ZNF624: variants seen among roughly 807,000 people sequenced by gnomAD.
ZNF624 encodes the protein zinc finger protein 624.
In ZNF624, 43 loss-of-function variants were observed where a neutral mutation model predicts 74.7. That is an observed-to-expected ratio of 0.58 (90% CI 0.45 to 0.74). ZNF624 has a LOEUF of 0.74. Ranked by LOEUF, ZNF624 falls within the 30% of genes least tolerant of loss-of-function variation. ZNF624 has a pLI of 0.00. For missense variants in ZNF624, 820 were observed against 1,030.0 expected (o/e 0.80, Z 2.79); for synonymous variants, 331 against 341.3 (o/e 0.97, Z 0.33).
chr17:16,641,200 A>G (rs1569046685), intron 3 of ZNF624, among the ~76,000 whole-genome samples: 1 of 152,226 alleles, frequency 6.6e-6, no homozygotes, highest in South Asian at 2.1e-4. Context: ...CCTCATACTT[A>G]ATGGTAAACA....
At chr17:16,625,668 G>T (rs1410288691) in intron 5 of ZNF624, among the ~76,000 whole-genome samples, 1 of 152,112 alleles carries the variant, frequency 6.6e-6, no homozygotes, top group East Asian at 1.9e-4. Context: ...TATACTTACT[G>T]ATATTTCAAA....
rs371683567 is a variant in ZNF624, at chr17:16,620,812, G to C, written c.*1476C>G. ...TTAACTTAAAAACACAGAAAAGAAAGTAAAAAACAAAAAATTGATGAACCA... is the reference window on the plus strand; with the variant it reads ...TTAACTTAAAAACACAGAAAAGAAACTAAAAAACAAAAAATTGATGAACCA... On this transcript the variant is annotated 3_prime_UTR_variant, in exon 6 of 6. Transcript: ENST00000311331. 4 of 152,088 alleles carry C rather than the reference G, an allele frequency of 2.6e-5. No individual in the cohort carries two copies. The South Asian group carries it at 8.3e-4, about 32-fold the overall frequency. The allele number at this position is 152,088 out of a possible 1,614,324, so 9.4% of individuals were successfully genotyped here.
At chr17:16,646,292 C>T (rs1282875393) in intron 3 of ZNF624, among the ~76,000 whole-genome samples, 2 of 152,074 alleles carry the variant, frequency 1.3e-5, no homozygotes, top group Middle Eastern at 3.2e-3. Flanking sequence ...AGAATCTAAG[C>T]TATCGTATGT....
chr17:16,642,852 C>G (rs1264622269), intron 3 of ZNF624, among the ~76,000 whole-genome samples: 2 of 152,100 alleles, frequency 1.3e-5, no homozygotes, highest in African/African-American at 2.4e-5. Context: ...AAAAAATGGG[C>G]AAAGGACTTG....
Position 16,622,430 on chromosome 17 carries a change from G to A in ZNF624, c.2456C>T (p.Thr819Ile). 6.2e-7 allele frequency: 1 copy of A among 1,613,830 alleles called. No homozygotes were observed. Among genetic ancestry groups the A allele is most frequent in the Non-Finnish European group, 8.5e-7 (1 of 1,179,882 alleles). The change falls in exon 6 of 6, where the codon ACT (threonine) becomes ATT (isoleucine). Residue 819 changes from threonine to isoleucine, a missense_variant. Transcript: ENST00000311331. ...KCEECGKAFR[T>I]NSDFTVHLRM... ...CAAGTGTACAGTAAAGTCTGAGTTA[G>A]TTCTGAAGGCTTTTCCACATTCTTC... is the stretch of plus-strand genomic sequence containing the variant.
At chr17:16,636,764 A>T (rs2142615944) in intron 3 of ZNF624, among the ~76,000 whole-genome samples, 1 of 151,932 alleles carries the variant, frequency 6.6e-6, no homozygotes, top group East Asian at 1.9e-4. Context: ...TGAACCTGGG[A>T]GGCGGAGCTT....
In ZNF624 at chr17:16,638,825, G is replaced by A. The variant is rs148796640; in HGVS notation, c.154-4069C>T. On this transcript the variant is annotated intron_variant, in intron 3 of 5. Coordinates refer to ENST00000311331, the MANE Select transcript of ZNF624 (RefSeq NM_020787.4). ...TACATATGTAACAAACCTGCACATCGTGCACATGTACCCTAAAACTTAAAG... is the reference window on the plus strand; with the variant it reads ...TACATATGTAACAAACCTGCACATCATGCACATGTACCCTAAAACTTAAAG... Among the ~76,000 whole-genome samples the A allele has an allele frequency of 1.1e-3, 170 of 152,148 alleles. 2 individuals are homozygous for A. In the East Asian group the frequency reaches 0.022, roughly 20 times the overall value.
At chr17:16,633,549 GTTA>G (rs1342265763) in intron 5 of ZNF624, among the ~76,000 whole-genome samples, 197 of 152,274 alleles carry the variant, frequency 1.3e-3, no homozygotes, top group African/African-American at 4.6e-3. Context: ...GAAACATGAA[GTTA>G]ACTGGAGAAG....
chr17:16,632,879 A>C (rs967018309), intron 5 of ZNF624, among the ~76,000 whole-genome samples: 1 of 152,204 alleles, frequency 6.6e-6, no homozygotes, highest in African/African-American at 2.4e-5. Flanking sequence ...ATTCTGTACC[A>C]GTTTCCCCTC....
intron 1 of ZNF624, among the ~76,000 whole-genome samples, chr17:16,651,677 G>C (rs1018719678): frequency 2.6e-5 from 4 of 152,124 alleles, no homozygotes; most frequent in Non-Finnish European, 4.4e-5. Flanking sequence ...AGATTTTTCT[G>C]TCATAGAGCC....
the ZNF624 span, among the ~76,000 whole-genome samples, chr17:16,615,256 C>T: frequency 6.6e-6 from 1 of 152,168 alleles, no homozygotes; most frequent in Non-Finnish European, 1.5e-5. Flanking sequence ...CACCACCACG[C>T]CCGGCTAATT....
chr17:16,639,292 AT>A (rs1456007564), intron 3 of ZNF624, among the ~76,000 whole-genome samples: 2 of 152,218 alleles, frequency 1.3e-5, no homozygotes, highest in Admixed American at 1.3e-4. Context: ...CTTGTCATAC[AT>A]GTCTTATGTA....
At chr17:16,618,844 C>G (rs1297998706), downstream of ZNF624, among the ~76,000 whole-genome samples, 1 of 152,142 alleles carries the variant, frequency 6.6e-6, no homozygotes, top group Non-Finnish European at 1.5e-5. Context: ...AATACATACA[C>G]AAAATATGTG....
At position 16,622,987 on chromosome 17, in the gene ZNF624, A is replaced by G; in HGVS notation, c.1899T>C (p.Ile633=). ...ATTTATAGGGTTTCACTCCAGTATG[A>G]ATTTTCTGATGCTCCTTGAGATTTA... The part of the protein sequence containing the change: ...KMVNLKEHQK[I]HTGVKPYKCY... The change falls in exon 6 of 6, where the codon ATT becomes ATC. Residue 633 remains isoleucine (I), a synonymous_variant. Coordinates refer to ENST00000311331, the MANE Select transcript of ZNF624 (RefSeq NM_020787.4). 6.2e-7 allele frequency: 1 copy of G among 1,613,916 alleles called. No homozygotes were observed. The highest frequency in any genetic ancestry group is 1.3e-5 in the African/African-American group (1 of 75,018).
At chr17:16,650,493 A>T (rs1909698855) in intron 1 of ZNF624, among the ~76,000 whole-genome samples, 1 of 151,424 alleles carries the variant, frequency 6.6e-6, no homozygotes, top group African/African-American at 2.4e-5. Context: ...TTTTATATTG[A>T]AAAAAAAGTA....
chr17:16,651,292 T>G (rs1248134643), intron 1 of ZNF624, among the ~76,000 whole-genome samples: 1 of 151,674 alleles, frequency 6.6e-6, no homozygotes, highest in East Asian at 1.9e-4. Context: ...CAGCCAGGTG[T>G]GGTGGTGCAC....
chr17:16,615,228 G>C, the ZNF624 span, among the ~76,000 whole-genome samples: 1 of 152,148 alleles, frequency 6.6e-6, no homozygotes, highest in Non-Finnish European at 1.5e-5. Context: ...CTCCTGAGTA[G>C]CTGGGAATAC....
intron 3 of ZNF624, among the ~76,000 whole-genome samples, chr17:16,642,378 G>A (rs1207184483): frequency 6.6e-6 from 1 of 152,080 alleles, no homozygotes; most frequent in East Asian, 1.9e-4. Flanking sequence ...CTACATTAAT[G>A]GTCAGTTGAT....
At position 16,622,510 on chromosome 17, in the gene ZNF624, T is replaced by C. The variant is rs62072858; in HGVS notation, c.2376A>G (p.Leu792=). The C allele has an allele frequency of 0.062, 100,683 of 1,613,874 alleles. 3,541 individuals are homozygous for C. The highest frequency in any genetic ancestry group is 0.085 in the Middle Eastern group (515 of 6,062). ...TTCTCTGATGTAGGGTTAGCTGTGA[T>C]AGAGTAATACAACCCTTTCCACATT... ...CKECGKGCIT[L]SQLTLHQRIH... is the part of the protein sequence containing the mutation. The change falls in exon 6 of 6, where the codon CTA becomes CTG. Residue 792 remains leucine, a synonymous_variant. Transcript: ENST00000311331.
Sources: allele counts gnomAD v4.1 joint callset (sites outside exome capture counted in the v4.1 genomes callset), GRCh38; gene constraint gnomAD v4.1.1; transcripts MANE v1.5; gene names NCBI Gene and HGNC (gene_info 2026-07-23, HGNC 2026-07-21).